Variants in SPEF2 observed in about 807,000 individuals in gnomAD.
SPEF2 encodes sperm flagella and cilia-associated protein 2.
In SPEF2, 187 loss-of-function variants were observed where a neutral mutation model predicts 224.6. That is an observed-to-expected ratio of 0.83 (90% CI 0.74 to 0.94). The LOEUF is 0.94. Ranked by LOEUF, SPEF2 falls within the 40% of genes least tolerant of loss-of-function variation. SPEF2 has a pLI of 0.00. For missense variants in SPEF2, 2,170 were observed against 2,135.6 expected (o/e 1.02, Z -0.32); for synonymous variants, 715 against 707.3 (o/e 1.01, Z -0.17).
At position 35,692,594 on chromosome 5, in the gene SPEF2, T is replaced by C. The variant is rs763614632; in HGVS notation, c.1769T>C (p.Ile590Thr). 3.1e-6 allele frequency: 5 copies of C among 1,612,246 alleles called. No individual in the cohort carries two copies. Among genetic ancestry groups the C allele is most frequent in the South Asian group, 1.1e-5 (1 of 90,930 alleles). Reference protein sequence around the residue: ...QKDFPIQILSIDTLVQEAIQA... With the variant: ...QKDFPIQILSTDTLVQEAIQA... ...GACTTTCCTATACAGATACTTTCTA[T>C]TGACACTCTTGTCCAAGAAGCTATC... The change falls in exon 12 of 37, where the codon ATT becomes ACT. Residue 590 changes from isoleucine to threonine, a missense_variant. Physicochemically the swap from Ile to Thr is moderately conservative, Grantham distance 89. Coordinates refer to ENST00000356031, the MANE Select transcript of SPEF2 (RefSeq NM_024867.4).
chr5:35,739,993 C>G lies in SPEF2; in HGVS notation c.3138C>G (p.Leu1046=). The G allele has an allele frequency of 6.2e-7, 1 of 1,614,128 alleles. No individual in the cohort carries two copies. Among genetic ancestry groups the G allele is most frequent in the Non-Finnish European group, 8.5e-7 (1 of 1,180,012 alleles). ...NSYINTIKTV[L]RHLREDQHTV... ...ATATAAACACCATCAAAACAGTACT[C>G]AGGCATCTGAGGGAAGACCAGCATA... The change falls in exon 22 of 37, where the codon CTC becomes CTG. Residue 1046 remains leucine, a synonymous_variant. Transcript: ENST00000356031.
rs925583315 is a variant in SPEF2 at position 35,646,928 on chromosome 5, T to C, written c.726+121T>C. The C allele has an allele frequency of 1.4e-4, 153 of 1,059,342 alleles. 1 individual carries two copies. Among genetic ancestry groups the C allele is most frequent in the Non-Finnish European group, 2.0e-4 (148 of 745,454 alleles). The allele number at this position is 1,059,342 out of a possible 1,614,324, so 65.6% of individuals were successfully genotyped here. A position where few individuals can be genotyped will look rare whatever the true frequency, so the allele number is the denominator to read the frequency against. ...TTGCTTTCCAAATTATCTCTGACCT[T>C]GTCCTTTCTCATTCAGAATTCTTCC... On this transcript the variant is annotated intron_variant, in intron 5 of 36. Coordinates refer to ENST00000356031, the MANE Select transcript of SPEF2 (RefSeq NM_024867.4).
chr5:35,669,780 A>G (rs1750976165), intron 9 of SPEF2, among the ~76,000 whole-genome samples: 1 of 152,078 alleles, frequency 6.6e-6, no homozygotes, highest in African/African-American at 2.4e-5. Context: ...ATGCTCTAGT[A>G]TCAGTGTCCT....
At chr5:35,673,267 C>G (rs1751438351) in intron 10 of SPEF2, among the ~76,000 whole-genome samples, 1 of 152,186 alleles carries the variant, frequency 6.6e-6, no homozygotes. Context: ...CAGCCCCACA[C>G]AGCAGCTAGT....
chr5:35,683,435 A>T (rs1182023669), intron 10 of SPEF2, among the ~76,000 whole-genome samples: 2 of 152,034 alleles, frequency 1.3e-5, no homozygotes, highest in Non-Finnish European at 2.9e-5. Flanking sequence ...GACCAGCCTG[A>T]CCAACATGGT....
At chr5:35,717,534 C>G (rs1742801943) in intron 20 of SPEF2, among the ~76,000 whole-genome samples, 1 of 152,118 alleles carries the variant, frequency 6.6e-6, no homozygotes, top group African/African-American at 2.4e-5. Context: ...GGGTTCTTGT[C>G]CATCCCATGG....
intron 7 of SPEF2, among the ~76,000 whole-genome samples, chr5:35,656,611 T>C (rs975922593): frequency 2.0e-5 from 3 of 152,184 alleles, no homozygotes; most frequent in Non-Finnish European, 4.4e-5. Context: ...GCTGCAAGGT[T>C]TTTTCTCACT....
intron 21 of SPEF2, among the ~76,000 whole-genome samples, chr5:35,738,427 C>T (rs569697508): frequency 3.3e-5 from 5 of 151,736 alleles, no homozygotes; most frequent in African/African-American, 1.2e-4. Flanking sequence ...CAGCTTTCTA[C>T]ATATGGCTAG....
rs566203132 is a variant in SPEF2, at chr5:35,692,926, G to A, written c.1899+202G>A. ...TTTTAGGCCAAGAGGTAAAATCGAGGATATTATGTGGGTACTTGTATAACA... is the reference window on the plus strand; with the variant it reads ...TTTTAGGCCAAGAGGTAAAATCGAGAATATTATGTGGGTACTTGTATAACA... On this transcript the variant is annotated intron_variant, in intron 12 of 36. Transcript: ENST00000356031. Among the ~76,000 whole-genome samples the A allele has an allele frequency of 1.4e-4, 21 of 152,252 alleles. No individual in the cohort carries two copies. In the South Asian group the frequency reaches 3.1e-3, roughly 23 times the overall value.
intron 32 of SPEF2, among the ~76,000 whole-genome samples, chr5:35,794,521 A>G (rs915512968): frequency 2.0e-5 from 3 of 152,164 alleles, no homozygotes; most frequent in African/African-American, 7.2e-5. Flanking sequence ...GCTCTGCTAC[A>G]TTTATTTTCC....
intron 24 of SPEF2, among the ~76,000 whole-genome samples, chr5:35,759,005 CAAAAAAAA>C (rs57893412): frequency 1.8e-4 from 9 of 51,354 alleles, no homozygotes; most frequent in South Asian, 1.3e-3. Context: ...GACTCTGTCT[CAAAAAAAA>C]AAAAAAAAAA....
At chr5:35,716,169 A>G (rs1013436834) in intron 20 of SPEF2, among the ~76,000 whole-genome samples, 1 of 151,870 alleles carries the variant, frequency 6.6e-6, no homozygotes, top group African/African-American at 2.4e-5. Context: ...GAGAATCATA[A>G]CCATGATTCT....
At chr5:35,638,929 A>T (rs1026131803) in intron 2 of SPEF2, among the ~76,000 whole-genome samples, 3 of 152,180 alleles carry the variant, frequency 2.0e-5, no homozygotes, top group African/African-American at 7.2e-5. Context: ...CAGATCGCAG[A>T]TGAGTGTTTC....
intron 24 of SPEF2, among the ~76,000 whole-genome samples, chr5:35,758,670 A>G (rs996058244): frequency 6.6e-6 from 1 of 152,126 alleles, no homozygotes; most frequent in Admixed American, 6.5e-5. Flanking sequence ...TCTTCTCCAC[A>G]TATTGAACAA....
rs1738432655 is a variant in SPEF2, at chr5:35,700,698, A to G, written c.2344A>G (p.Ile782Val). 1.2e-6 allele frequency: 2 copies of G among 1,614,002 alleles called. No individual in the cohort carries two copies. Among genetic ancestry groups the G allele is most frequent in the South Asian group, 1.1e-5 (1 of 91,078 alleles). The part of the protein sequence containing the change: ...PLPSPAFDFV[I>V]LLDVSDTSSM... ...TCCCTCTCCTGCATTTGATTTTGTC[A>G]TATTATTAGATGTTTCAGATACTTC... The change falls in exon 16 of 37, where the codon ATA becomes GTA. Residue 782 changes from isoleucine (I) to valine (V), a missense_variant. Transcript: ENST00000356031.
Position 35,789,579 on chromosome 5 carries a change from G to T in SPEF2, c.4448-2761G>T. ...CAGAGGGAAAGAAAACATTTCTGCTGTGAGAAACATTGTTTTAACACATCT... is the reference window on the plus strand; with the variant it reads ...CAGAGGGAAAGAAAACATTTCTGCTTTGAGAAACATTGTTTTAACACATCT... On this transcript the variant is annotated intron_variant, in intron 30 of 36. Coordinates refer to ENST00000356031, the MANE Select transcript of SPEF2 (RefSeq NM_024867.4). 4.6e-6 allele frequency: 3 copies of T among 647,122 alleles called. No individual in the cohort carries two copies. In the South Asian group the frequency reaches 5.3e-5, roughly 12 times the overall value. The allele number at this position is 647,122 out of a possible 1,614,324, so 40.1% of individuals were successfully genotyped here. A position where few individuals can be genotyped will look rare whatever the true frequency, so the allele number is the denominator to read the frequency against.
intron 2 of SPEF2, among the ~76,000 whole-genome samples, chr5:35,633,695 G>T (rs1745443320): frequency 6.6e-6 from 1 of 151,766 alleles, no homozygotes; most frequent in Non-Finnish European, 1.5e-5. Flanking sequence ...CTTTTTTACT[G>T]CTCTACTACT....
chr5:35,660,425 G>A (rs866333892), intron 8 of SPEF2, among the ~76,000 whole-genome samples: 2 of 152,214 alleles, frequency 1.3e-5, no homozygotes, highest in Admixed American at 1.3e-4. Context: ...CCCCATGAAA[G>A]TGTAATGTAA....
chr5:35,792,342 A>G lies in SPEF2; in HGVS notation c.4450A>G (p.Ile1484Val). 6.2e-6 allele frequency: 10 copies of G among 1,613,108 alleles called. No individual in the cohort carries two copies. Among genetic ancestry groups the G allele is most frequent in the Non-Finnish European group, 8.5e-6 (10 of 1,179,338 alleles). Residue 1484 changes from isoleucine to valine, a missense_variant and splice_region_variant, in exon 31 of 37, where the codon ATA becomes GTA. Coordinates refer to ENST00000356031, the MANE Select transcript of SPEF2 (RefSeq NM_024867.4). ...AAATATTTTTCATTGTATTATAGGC[A>G]TAATAGGAAATAAAGCATTTACTGA... The part of the protein sequence containing the change: ...DQFLDMAPKG[I>V]IGNKAFTDIL...
Sources: gnomAD v4.1 joint callset for allele counts (sites outside exome capture counted in the v4.1 genomes callset) on GRCh38, gnomAD v4.1.1 for gene constraint, MANE v1.5 for transcripts, NCBI Gene and HGNC (gene_info 2026-07-23, HGNC 2026-07-21) for gene names.